Variants in CUX1 observed in about 807,000 individuals in gnomAD.
The protein encoded by CUX1 is protein CASP.
In CUX1, 31 loss-of-function variants were observed where a neutral mutation model predicts 158.8. The observed-to-expected ratio is 0.20, with a 90% CI of 0.15 to 0.26. The LOEUF (loss-of-function observed/expected upper bound fraction) is 0.26, where lower values mean the gene tolerates loss of function less well. Among genes scored for constraint, CUX1 ranks in the 10% least tolerant of loss-of-function variants. CUX1 has a pLI of 1.00. For synonymous variants in CUX1, 879 were observed against 862.1 expected, an observed-to-expected ratio of 1.02 and a Z score of -0.34; for missense variants, 1,589 against 2,014.6, an observed-to-expected ratio of 0.79 and a Z score of 4.04.
At chr7:102,236,086 G>A (rs113849199) in intron 22 of CUX1, among the ~76,000 whole-genome samples, 3 of 152,308 alleles carry the variant, frequency 2.0e-5, no homozygotes, top group African/African-American at 7.2e-5. Flanking sequence ...TACGAACCTC[G>A]GTGCTTCATG....
intron 3 of CUX1, among the ~76,000 whole-genome samples, chr7:102,033,609 A>G (rs1821052296): frequency 6.6e-6 from 1 of 152,236 alleles, no homozygotes; most frequent in Non-Finnish European, 1.5e-5. Flanking sequence ...TGTAACTACC[A>G]AAATTGATTA....
At position 102,201,821 on chromosome 7, in the gene CUX1, A is replaced by C. The variant is rs1795476468; in HGVS notation, c.2524A>C (p.Lys842Gln). The C allele has an allele frequency of 6.2e-7, 1 of 1,613,138 alleles. No individual in the cohort carries two copies. Among genetic ancestry groups the C allele is most frequent in the Admixed American group, 1.7e-5 (1 of 60,014 alleles). ...RRNAASSEEAKAEETGGGKEK... is the reference protein window; with the variant it reads ...RRNAASSEEAQAEETGGGKEK... ...AAATGCCGCCTCCTCCGAGGAGGCC[A>C]AGGCCGAAGAAACGGGCGGCGGGAA... Residue 842 changes from lysine (K) to glutamine (Q), a missense_variant, in exon 18 of 24, where the codon AAG becomes CAG. Lys to Gln is a moderately conservative substitution (Grantham distance 53). This residue lies in a region of CUX1 where 337 missense variants were observed against 409.3 expected (regional missense o/e 0.82). Coordinates refer to ENST00000292535, the MANE Select transcript of CUX1 (RefSeq NM_181552.4). This position sits in a 1 kb window ranked among gnomAD's most constrained non-coding sequence, Gnocchi z 5.0.
chr7:102,264,287 T>A lies in CUX1; in HGVS notation c.1256-9079T>A, dbSNP rs190625034. Among the ~76,000 whole-genome samples, 997 of 152,302 alleles carry A rather than the reference T, an allele frequency of 6.5e-3. 11 individuals are homozygous for A. Among genetic ancestry groups the A allele is most frequent in the African/African-American group, 0.023 (946 of 41,548 alleles). On this transcript the variant is annotated intron_variant, in intron 14 of 22. Coordinates refer to the CUX1 transcript ENST00000292538. ...TCCCAAAGTGCTGGGATTACAGGCA[T>A]GAGCCATCGCGCCCAGCCCAGAAGT... is the stretch of plus-strand genomic sequence containing the variant.
Position 102,194,253 on chromosome 7 carries a change from G to A in CUX1, c.1125+363G>A, listed in dbSNP as rs530337004. On this transcript the variant is annotated intron_variant, in intron 13 of 23. Transcript: ENST00000292535. ...CCAAACTGGTAACTGAAGTGAAATT[G>A]TGATTTCACTTCAGCAGGTACTAAG... 4.7e-5 allele frequency: 11 copies of A among 233,582 alleles called. No homozygotes were observed. The Admixed American group carries it at 5.6e-4, about 12-fold the overall frequency. The allele number at this position is 233,582 out of a possible 1,614,324, so 14.5% of individuals were successfully genotyped here. A position where few individuals can be genotyped will look rare whatever the true frequency, so the allele number is the denominator to read the frequency against.
chr7:102,174,447 C>T (rs1264629841), intron 10 of CUX1, among the ~76,000 whole-genome samples: 10 of 152,134 alleles, frequency 6.6e-5, no homozygotes, highest in Admixed American at 6.5e-4. Context: ...CCACCTCTTC[C>T]TCTCTCTGAT....
At chr7:102,111,387 G>A (rs1830864010) in intron 6 of CUX1, among the ~76,000 whole-genome samples, 1 of 152,026 alleles carries the variant, frequency 6.6e-6, no homozygotes, top group Admixed American at 6.6e-5. Flanking sequence ...GCATGATGAT[G>A]ATTTTTTTTT....
intron 1 of CUX1, among the ~76,000 whole-genome samples, chr7:101,880,412 C>T (rs1378194562): frequency 3.9e-5 from 6 of 152,054 alleles, no homozygotes; most frequent in Non-Finnish European, 7.4e-5. Context: ...TTCCCCAGAC[C>T]CCTCTCATCG....
At chr7:101,871,206 A>G (rs1162077856) in intron 1 of CUX1, among the ~76,000 whole-genome samples, 1 of 152,096 alleles carries the variant, frequency 6.6e-6, no homozygotes, top group African/African-American at 2.4e-5. Flanking sequence ...TCTGCCCGGG[A>G]ATACCTGGCT....
At position 102,227,521 on chromosome 7, in the gene CUX1, G is replaced by A. The variant is rs557212553; in HGVS notation, c.3285G>A (p.Pro1095=). 5.5e-5 allele frequency: 88 copies of A among 1,614,028 alleles called. No individual in the cohort carries two copies. Among genetic ancestry groups the A allele is most frequent in the Middle Eastern group, 1.7e-4 (1 of 6,060 alleles). The part of the protein sequence containing the change: ...KDSKPPEPSD[P]PASDSQPTTP... ...GCAAGCCACCAGAGCCCAGTGACCC[G>A]CCAGCATCCGACTCCCAGCCCACAA... The change falls in exon 21 of 24, where the codon CCG becomes CCA. Residue 1095 remains proline (P), a synonymous_variant. Coordinates refer to ENST00000292535, the MANE Select transcript of CUX1 (RefSeq NM_181552.4).
chr7:102,265,305 G>A (rs1034663617), intron 14 of CUX1, among the ~76,000 whole-genome samples: 3 of 149,496 alleles, frequency 2.0e-5, no homozygotes, highest in Admixed American at 1.3e-4. Context: ...GCAGTGAGCC[G>A]AGATTACACC....
At chr7:102,238,278 G>A (rs1222341721) in intron 22 of CUX1, among the ~76,000 whole-genome samples, 2 of 152,104 alleles carry the variant, frequency 1.3e-5, no homozygotes, top group East Asian at 1.9e-4. Flanking sequence ...TGAGGCTACC[G>A]CTAGACCACG....
intron 2 of CUX1, among the ~76,000 whole-genome samples, chr7:101,922,126 A>C: frequency 6.6e-6 from 1 of 152,224 alleles, no homozygotes; most frequent in East Asian, 1.9e-4. Flanking sequence ...TCAAAAAAAA[A>C]AAATTGGTTT....
intron 2 of CUX1, among the ~76,000 whole-genome samples, chr7:101,937,541 C>T (rs145406151): frequency 0.012 from 1,754 of 151,234 alleles, 12 homozygotes; most frequent in South Asian, 0.028. Flanking sequence ...GACAGAGTCT[C>T]GCTCTGTCTC....
At chr7:101,856,909 C>CG (rs905561356) in intron 1 of CUX1, among the ~76,000 whole-genome samples, 43 of 152,346 alleles carry the variant, frequency 2.8e-4, no homozygotes, top group African/African-American at 9.9e-4. Context: ...CCACAGGCCC[C>CG]GGGTGTGAAC....
In CUX1 at chr7:102,253,034, A is replaced by G; in HGVS notation, c.*3992A>G. On this transcript the variant is annotated 3_prime_UTR_variant, in exon 24 of 24. Transcript: ENST00000292535. ...ACCTGCTACTTTGTGCAAGTAATTG[A>G]GGCAAAAGATACCAGTCGACAGCCT... The G allele has an allele frequency of 1.0e-6, 1 of 985,420 alleles. No individual in the cohort carries two copies. Among genetic ancestry groups the G allele is most frequent in the Non-Finnish European group, 1.2e-6 (1 of 829,934 alleles). The allele number at this position is 985,420 out of a possible 1,614,324, so 61.0% of individuals were successfully genotyped here. A position where few individuals can be genotyped will look rare whatever the true frequency, so the allele number is the denominator to read the frequency against.
chr7:101,901,238 A>G (rs534803687), intron 1 of CUX1, among the ~76,000 whole-genome samples: 1 of 152,172 alleles, frequency 6.6e-6, no homozygotes, highest in South Asian at 2.1e-4. Flanking sequence ...TATACAAAAA[A>G]TCACCCAATA....
intron 2 of CUX1, among the ~76,000 whole-genome samples, chr7:101,953,495 C>T (rs1377956783): frequency 1.3e-5 from 2 of 152,150 alleles, no homozygotes; most frequent in African/African-American, 2.4e-5. Flanking sequence ...GTATTTGTGG[C>T]AGCTCTTGTT....
At chr7:101,977,868 A>G (rs903209352) in intron 2 of CUX1, among the ~76,000 whole-genome samples, 4 of 152,186 alleles carry the variant, frequency 2.6e-5, no homozygotes, top group East Asian at 1.9e-4. Context: ...GCATGGTTAT[A>G]TATGGGGGGT....
chr7:102,227,349 C>T lies in CUX1; in HGVS notation c.3131-18C>T, dbSNP rs781814310. ...ACAGCTATTTTCAGGCACGGTTTCT[C>T]GTGTGCTTTAATTACAGAAAGCACT... is the stretch of plus-strand genomic sequence containing the variant. On this transcript the variant is annotated intron_variant, in intron 20 of 23. Coordinates refer to ENST00000292535, the MANE Select transcript of CUX1 (RefSeq NM_181552.4). 1.8e-5 allele frequency: 28 copies of T among 1,588,438 alleles called. No homozygotes were observed. The highest frequency in any genetic ancestry group is 6.7e-5 in the South Asian group (6 of 89,772).
Sources: gnomAD v4.1 joint callset for allele counts (sites outside exome capture counted in the v4.1 genomes callset) on GRCh38, gnomAD v4.1.1 for gene constraint, gnomAD v4.1.1 regional missense constraint, Gnocchi (gnomAD v3.1) non-coding constraint, MANE v1.5 for transcripts, NCBI Gene and HGNC (gene_info 2026-07-23, HGNC 2026-07-21) for gene names.